MAST4: variants seen among roughly 807,000 people sequenced by gnomAD.
The protein encoded by MAST4 is microtubule-associated serine/threonine-protein kinase 4.
MAST4 carries 89 observed loss-of-function variants against 162.7 expected under a neutral mutation model. The ratio of observed to expected loss-of-function variants is 0.55; its 90% CI spans 0.46 to 0.65. The LOEUF is 0.65. Among genes scored for constraint, MAST4 ranks in the 30% least tolerant of loss-of-function variants. The pLI is 0.00. For missense variants in MAST4, 3,153 were observed against 3,374.0 expected, an observed-to-expected ratio of 0.93 and a Z score of 1.62; for synonymous variants, 1,479 against 1,361.1, an observed-to-expected ratio of 1.09 and a Z score of -1.91.
chr5:66,650,627 G>A (rs1746156786), intron 1 of MAST4, among the ~76,000 whole-genome samples: 1 of 152,126 alleles, frequency 6.6e-6, no homozygotes, highest in Non-Finnish European at 1.5e-5. Flanking sequence ...TTAGCCAACT[G>A]CCATGTAAGT....
In MAST4 at chr5:67,166,954, A is replaced by AC; in HGVS notation, c.7777dup (p.Arg2593ProfsTer7). 1 of 1,612,012 alleles carries AC rather than the reference A, an allele frequency of 6.2e-7. No individual in the cohort carries two copies. The highest frequency in any genetic ancestry group is 8.5e-7 in the Non-Finnish European group (1 of 1,179,560). On this transcript the variant is annotated frameshift_variant, in exon 29 of 29. Coordinates refer to ENST00000403625, the MANE Select transcript of MAST4 (RefSeq NM_001164664.2). LOFTEE classifies it high-confidence loss of function. ...AAGCCATCCCCAGCCCCAAACACTGACCGCCCCATCTCTCTTTCTAATGAG... is the reference window on the plus strand; with the variant it reads ...AAGCCATCCCCAGCCCCAAACACTGACCCGCCCCATCTCTCTTTCTAATGAG...
At chr5:66,724,459 G>A (rs1313686408) in intron 1 of MAST4, among the ~76,000 whole-genome samples, 1 of 151,980 alleles carries the variant, frequency 6.6e-6, no homozygotes, top group Non-Finnish European at 1.5e-5. Context: ...CTTGGTAACA[G>A]GGGAGTGTAT....
chr5:67,064,851 TAG>T (rs1474234807), intron 5 of MAST4, among the ~76,000 whole-genome samples: 1 of 152,334 alleles, frequency 6.6e-6, no homozygotes, highest in South Asian at 2.1e-4. Flanking sequence ...CTTGAAAAAC[TAG>T]AGTCTCAAAA....
chr5:66,716,371 G>T (rs977310138), intron 1 of MAST4, among the ~76,000 whole-genome samples: 1 of 152,076 alleles, frequency 6.6e-6, no homozygotes, highest in Admixed American at 6.5e-5. Flanking sequence ...TGTGTATTTA[G>T]AGAGGGGGTC....
At chr5:66,652,115 T>G (rs1351292447) in intron 1 of MAST4, among the ~76,000 whole-genome samples, 1 of 152,156 alleles carries the variant, frequency 6.6e-6, no homozygotes, top group East Asian at 1.9e-4. Context: ...ATAATTACAT[T>G]GTTGTATACT....
chr5:66,596,480 T>C lies in MAST4; in HGVS notation c.-176T>C, dbSNP rs116601717. ...CGGCCGGGCCCGGGCGGCTGTGAAC[T>C]TAGCAGCGGGCTCCTGCGGCCCCGT... On this transcript the variant is annotated 5_prime_UTR_variant, in exon 1 of 29. Transcript: ENST00000403625. 427 of 771,394 alleles carry C rather than the reference T, an allele frequency of 5.5e-4. 1 individual carries two copies. In the African/African-American group the frequency reaches 7.1e-3, roughly 13 times the overall value. 47.8% of individuals were successfully genotyped at this position (771,394 alleles called of 1,614,324 possible).
intron 4 of MAST4, among the ~76,000 whole-genome samples, chr5:66,931,640 T>C (rs1002851672): frequency 1.3e-5 from 2 of 152,236 alleles, no homozygotes; most frequent in Admixed American, 6.5e-5. Context: ...CATGGCAATC[T>C]AGAAAGTTTG....
intron 1 of MAST4, among the ~76,000 whole-genome samples, chr5:66,726,525 C>T (rs1444651367): frequency 6.6e-6 from 1 of 152,056 alleles, no homozygotes; most frequent in Admixed American, 6.6e-5. Context: ...TGTGAAGTAC[C>T]TGGTACACCA....
intron 9 of MAST4, among the ~76,000 whole-genome samples, chr5:67,103,684 T>C (rs1765280152): frequency 6.6e-6 from 1 of 152,200 alleles, no homozygotes; most frequent in Non-Finnish European, 1.5e-5. Flanking sequence ...GATGTAGCTT[T>C]GTGGCAAAAG....
At chr5:66,744,947 A>T (rs1251508922) in intron 1 of MAST4, among the ~76,000 whole-genome samples, 1 of 152,198 alleles carries the variant, frequency 6.6e-6, no homozygotes, top group African/African-American at 2.4e-5. Flanking sequence ...TCAACAATTG[A>T]TTGTTTTCCT....
At chr5:66,618,217 C>T (rs545851918) in intron 1 of MAST4, among the ~76,000 whole-genome samples, 2 of 152,306 alleles carry the variant, frequency 1.3e-5, no homozygotes, top group South Asian at 4.1e-4. Context: ...TAGATGTTTG[C>T]ATGCATCAGC....
intron 3 of MAST4, among the ~76,000 whole-genome samples, chr5:66,890,123 AAGAG>A (rs1180206665): frequency 6.6e-6 from 1 of 152,208 alleles, no homozygotes; most frequent in Non-Finnish European, 1.5e-5. Context: ...TTTTGCTTGA[AAGAG>A]AGAGTTCTTT....
At chr5:67,144,217 T>C (rs1414130282) in intron 21 of MAST4, among the ~76,000 whole-genome samples, 1 of 152,224 alleles carries the variant, frequency 6.6e-6, no homozygotes. Flanking sequence ...TTTATTCTTC[T>C]GTTTGCACTC....
At chr5:67,028,709 C>T (rs912210865) in intron 4 of MAST4, among the ~76,000 whole-genome samples, 1 of 152,108 alleles carries the variant, frequency 6.6e-6, no homozygotes, top group East Asian at 1.9e-4. Flanking sequence ...AAGCAAGACA[C>T]GTTGGATGAA....
intron 23 of MAST4, among the ~76,000 whole-genome samples, chr5:67,149,001 G>A (rs560205166): frequency 3.9e-4 from 60 of 152,284 alleles, no homozygotes; most frequent in Non-Finnish European, 7.4e-4. Context: ...CATGGTGTTT[G>A]GGAGGTAATA....
intron 4 of MAST4, chr5:66,902,862 C>T: frequency 1.2e-5 from 4 of 344,752 alleles, no homozygotes; most frequent in South Asian, 9.1e-5. Flanking sequence ...CAGATTCTTC[C>T]TGTACTTTCC....
chr5:66,838,135 G>A (rs1158631941), intron 3 of MAST4, among the ~76,000 whole-genome samples: 1 of 151,698 alleles, frequency 6.6e-6, no homozygotes, highest in African/African-American at 2.4e-5. Flanking sequence ...TTTTAAAATT[G>A]CTGGACATGC....
At position 66,962,306 on chromosome 5, in the gene MAST4, C is replaced by T. The variant is rs779300322; in HGVS notation, c.674+62324C>T. 1.1e-3 allele frequency among the ~76,000 whole-genome samples: 169 copies of T among 152,218 alleles called. 2 individuals are homozygous for T. The highest frequency in any genetic ancestry group is 6.2e-4 in the Non-Finnish European group (42 of 68,036). ...AGAAACTCTCTGCACTAGCCAGGCA[C>T]GGTGGTGCATGCCCATAGTTCTTGC... is the stretch of plus-strand genomic sequence containing the variant. On this transcript the variant is annotated intron_variant, in intron 4 of 28. Coordinates refer to ENST00000403625, the MANE Select transcript of MAST4 (RefSeq NM_001164664.2).
intron 4 of MAST4, among the ~76,000 whole-genome samples, chr5:66,966,859 C>T (rs1746796609): frequency 6.6e-6 from 1 of 152,152 alleles, no homozygotes; most frequent in Admixed American, 6.5e-5. Context: ...CAATTTCTAG[C>T]ATTAGTGACT....
Sources: allele counts gnomAD v4.1 joint callset (sites outside exome capture counted in the v4.1 genomes callset), GRCh38; gene constraint gnomAD v4.1.1; transcripts MANE v1.5; gene names NCBI Gene and HGNC (gene_info 2026-07-23, HGNC 2026-07-21).